The following ERI1 variants were observed in gnomAD, a reference collection of about 807,000 sequenced individuals.
ERI1 encodes exoribonuclease 1.
In ERI1, 39 loss-of-function variants were observed where a neutral mutation model predicts 39.7. That is an observed-to-expected ratio of 0.98 (90% CI 0.76 to 1.28). The LOEUF (loss-of-function observed/expected upper bound fraction) is 1.28, where lower values mean the gene tolerates loss of function less well. Among genes scored for constraint, ERI1 ranks in the 50% most tolerant of loss-of-function variants. The pLI is 0.00. For synonymous variants in ERI1, 204 were observed against 149.6 expected, an observed-to-expected ratio of 1.36 and a Z score of -2.65; for missense variants, 581 against 416.9, an observed-to-expected ratio of 1.39 and a Z score of -3.43.
rs906574796 is a variant in ERI1 at position 9,026,758 on chromosome 8, G to A, written c.808-3034G>A. ...TTCGGATGAGTGATGCAAAAGTGGT[G>A]TAATGTAAATGTTGAATATTTCAAA... On this transcript the variant is annotated intron_variant, in intron 6 of 6. Transcript: ENST00000250263. Among the ~76,000 whole-genome samples the A allele has an allele frequency of 3.3e-5, 5 of 152,074 alleles. No individual in the cohort carries two copies. In the East Asian group the frequency reaches 5.8e-4, roughly 18 times the overall value.
chr8:9,082,332 C>G (rs1799396287), intron 3 of ERI1, among the ~76,000 whole-genome samples: 1 of 152,186 alleles, frequency 6.6e-6, no homozygotes, highest in African/African-American at 2.4e-5. Context: ...TGGCTCACGT[C>G]CAGTAGACAT....
At chr8:9,053,778 A>C (rs1798428331) in intron 3 of ERI1, among the ~76,000 whole-genome samples, 1 of 152,228 alleles carries the variant, frequency 6.6e-6, no homozygotes, top group Admixed American at 6.5e-5. Flanking sequence ...AGTGAATGTT[A>C]GAGAATTGAT....
At chr8:9,016,963 G>A (rs1464880249) in intron 4 of ERI1, among the ~76,000 whole-genome samples, 2 of 152,114 alleles carry the variant, frequency 1.3e-5, no homozygotes, top group South Asian at 2.1e-4. Context: ...GATTACAGAC[G>A]TGAGCCACCA....
Position 9,016,365 on chromosome 8 carries a change from A to G in ERI1, c.542A>G (p.Gln181Arg), listed in dbSNP as rs1452745255. The G allele has an allele frequency of 6.2e-7, 1 of 1,608,246 alleles. No homozygotes were observed. Among genetic ancestry groups the G allele is most frequent in the Admixed American group, 1.7e-5 (1 of 59,340 alleles). The change falls in exon 4 of 7, where the codon CAG becomes CGG. Residue 181 changes from glutamine (Q) to arginine (R), a missense_variant. By Grantham distance (43) the Gln-to-Arg change is conservative (BLOSUM62 1). Coordinates refer to ENST00000250263, the MANE Select transcript of ERI1 (RefSeq NM_153332.4). The stretch of plus-strand genomic sequence containing the variant: ...TATGTAAGACCAGAGATTAACACAC[A>G]GCTGTCTGATTTCTGCATCAGTCTA... ...QQYVRPEINT[Q>R]LSDFCISLTG...
At chr8:9,033,660 T>C (rs1797739905), downstream of ERI1, among the ~76,000 whole-genome samples, 1 of 152,240 alleles carries the variant, frequency 6.6e-6, no homozygotes, top group South Asian at 2.1e-4. Flanking sequence ...GAGAGAGGCA[T>C]TCTCTGCAGT....
At chr8:9,013,201 G>C (rs528002211) in intron 3 of ERI1, among the ~76,000 whole-genome samples, 2 of 151,556 alleles carry the variant, frequency 1.3e-5, no homozygotes, top group African/African-American at 4.8e-5. Flanking sequence ...TTTTAGTAGA[G>C]ACAGGGTTTC....
chr8:9,041,476 G>A (rs544321078), intron 3 of ERI1, among the ~76,000 whole-genome samples: 1 of 152,130 alleles, frequency 6.6e-6, no homozygotes, highest in Non-Finnish European at 1.5e-5. Context: ...AATCGAAATT[G>A]TATCAAACAT....
rs548952927 is a variant in ERI1, at chr8:9,013,906, C to G, written c.498+2154C>G. 4.6e-5 allele frequency among the ~76,000 whole-genome samples: 7 copies of G among 152,288 alleles called. No individual in the cohort carries two copies. In the South Asian group the frequency reaches 1.5e-3, roughly 32 times the overall value. On this transcript the variant is annotated intron_variant, in intron 3 of 6. Coordinates refer to ENST00000250263, the MANE Select transcript of ERI1 (RefSeq NM_153332.4). ...CAGTCACTTAACTGAACTGCTGTGA[C>G]TTCATTCTGATCCTCTATCATTTAT...
intron 3 of ERI1, among the ~76,000 whole-genome samples, chr8:9,074,879 C>T (rs1414426259): frequency 6.6e-6 from 1 of 152,212 alleles, no homozygotes; most frequent in Non-Finnish European, 1.5e-5. Context: ...AAAGCAGTAT[C>T]TCCTGGTGTG....
At chr8:9,008,415 T>G (rs542083007) in intron 2 of ERI1, among the ~76,000 whole-genome samples, 7 of 152,292 alleles carry the variant, frequency 4.6e-5, no homozygotes, top group Non-Finnish European at 8.8e-5. Flanking sequence ...ATGACAAGAG[T>G]GTTTTAAATT....
intron 6 of ERI1, 85 bp downstream of exon 6, chr8:9,020,549 G>T: frequency 1.3e-5 from 11 of 829,794 alleles, no homozygotes; most frequent in South Asian, 4.0e-5. Context: ...TAATTTTCCA[G>T]GTGTTTTTCA....
At chr8:9,095,075 G>A (rs1481532386) in intron 3 of ERI1, among the ~76,000 whole-genome samples, 1 of 152,200 alleles carries the variant, frequency 6.6e-6, no homozygotes, top group Non-Finnish European at 1.5e-5. Context: ...ACTTCCATCA[G>A]CTGCAAGATG....
rs572754430 is a variant in ERI1, at chr8:9,020,104, A to G, written c.693-246A>G. ...TAGAAGCCTGCCCAGAACCATGAAAACAATCAAGATGAGCCTAATAGGAAT... is the reference window on the plus strand; with the variant it reads ...TAGAAGCCTGCCCAGAACCATGAAAGCAATCAAGATGAGCCTAATAGGAAT... On this transcript the variant is annotated intron_variant, in intron 5 of 6. Transcript: ENST00000250263. Among the ~76,000 whole-genome samples the G allele has an allele frequency of 2.6e-5, 4 of 152,330 alleles. No homozygotes were observed. In the South Asian group the frequency reaches 8.3e-4, roughly 32 times the overall value.
intron 3 of ERI1, among the ~76,000 whole-genome samples, chr8:9,092,311 A>C (rs2117481005): frequency 6.6e-6 from 1 of 152,262 alleles, no homozygotes; most frequent in East Asian, 1.9e-4. Context: ...TTAAGTGTGA[A>C]GACCCTTATT....
intron 3 of ERI1, among the ~76,000 whole-genome samples, chr8:9,042,675 A>G (rs1798062655): frequency 6.6e-6 from 1 of 152,186 alleles, no homozygotes; most frequent in African/African-American, 2.4e-5. Flanking sequence ...GGGAAGTGTT[A>G]TGCTTTGAGG....
At chr8:9,025,251 C>T (rs145248566) in intron 6 of ERI1, among the ~76,000 whole-genome samples, 1 of 152,178 alleles carries the variant, frequency 6.6e-6, no homozygotes, top group Non-Finnish European at 1.5e-5. Context: ...TTTCCAATAG[C>T]TTTCCTCACT....
chr8:9,010,049 T>G (rs76396481), intron 2 of ERI1, among the ~76,000 whole-genome samples: 3,105 of 152,332 alleles, frequency 0.02, 69 homozygotes, highest in South Asian at 0.095. Flanking sequence ...TGAATCGAAG[T>G]GTTGTGGTAA....
At chr8:9,021,550 G>C (rs1817893798) in intron 6 of ERI1, among the ~76,000 whole-genome samples, 1 of 152,168 alleles carries the variant, frequency 6.6e-6, no homozygotes, top group Non-Finnish European at 1.5e-5. Context: ...CAGAAAAGTA[G>C]AGTTTTGCCG....
intron 3 of ERI1, among the ~76,000 whole-genome samples, chr8:9,065,478 G>A (rs946672971): frequency 1.3e-5 from 2 of 152,018 alleles, no homozygotes; most frequent in Admixed American, 6.6e-5. Context: ...GGCAGATCAC[G>A]AGGTCAGGAG....
Sources: gnomAD v4.1 joint callset for allele counts (sites outside exome capture counted in the v4.1 genomes callset) on GRCh38, gnomAD v4.1.1 for gene constraint, MANE v1.5 for transcripts, NCBI Gene and HGNC (gene_info 2026-07-23, HGNC 2026-07-21) for gene names.